ZNF219: variants seen among roughly 807,000 people sequenced by gnomAD.
ZNF219 encodes zinc finger protein 219.
A neutral mutation model predicts 54.4 loss-of-function variants in ZNF219; 17 were observed. The observed-to-expected ratio is 0.31, with a 90% confidence interval of 0.21 to 0.47. The LOEUF is 0.47. Among genes scored for constraint, ZNF219 ranks in the 20% least tolerant of loss-of-function variants. ZNF219 has a pLI of 1.00. For missense variants in ZNF219, 1,014 were observed against 1,062.3 expected, an observed-to-expected ratio of 0.95 and a Z score of 0.63; for synonymous variants, 518 against 476.4, an observed-to-expected ratio of 1.09 and a Z score of -1.14.
At chr14:21,100,109 T>C (rs1230919709), upstream of ZNF219, among the ~76,000 whole-genome samples, 3 of 152,140 alleles carry the variant, frequency 2.0e-5, no homozygotes, top group Non-Finnish European at 4.4e-5. Context: ...ACACCTGTAA[T>C]CCCAGCAGTT....
upstream of ZNF219, chr14:21,102,058 A>T: frequency 6.4e-7 from 1 of 1,551,322 alleles, no homozygotes; most frequent in Non-Finnish European, 8.7e-7. Flanking sequence ...CCTTCTCACC[A>T]TTCAGGGTCT....
intron 1 of ZNF219, chr14:21,093,938 C>G (rs1594600738): frequency 2.4e-6 from 1 of 418,444 alleles, no homozygotes; most frequent in East Asian, 5.2e-5. Flanking sequence ...GCTACCACCC[C>G]ACCCCCTGGC....
chr14:21,101,802 G>A, upstream of ZNF219: 1 of 1,304,280 alleles, frequency 7.7e-7, no homozygotes, highest in Non-Finnish European at 1.1e-6. Context: ...AAAGAGGTAG[G>A]AGTTACGAGA....
intron 1 of ZNF219, among the ~76,000 whole-genome samples, chr14:21,097,904 G>A (rs912101218): frequency 2.6e-5 from 4 of 151,662 alleles, no homozygotes; most frequent in Non-Finnish European, 5.9e-5. Flanking sequence ...GGGGGTTGGG[G>A]GGTGCACATC....
In ZNF219 at chr14:21,091,518, C is replaced by T; in HGVS notation, c.1457G>A (p.Gly486Glu). Residue 486 changes from glycine (G) to glutamate (E), a missense_variant, in exon 4 of 5, where the codon GGG becomes GAG. This residue lies in a region of ZNF219 where 272 missense variants were observed against 248.9 expected (regional missense o/e 1.09). Coordinates refer to ENST00000360947, the MANE Select transcript of ZNF219 (RefSeq NM_016423.3). Reference sequence around the variant, plus strand: ...GCCCCGGCCCCCTTCAGGCCGGGTCCCTCCAACCAACAGCCCATTCTCTTC... The same window carrying T: ...GCCCCGGCCCCCTTCAGGCCGGGTCTCTCCAACCAACAGCCCATTCTCTTC... ...TQEENGLLVG[G>E]TRPEGGRGAT... The T allele has an allele frequency of 1.2e-6, 2 of 1,606,842 alleles. No individual in the cohort carries two copies. Among genetic ancestry groups the T allele is most frequent in the East Asian group, 2.2e-5 (1 of 44,556 alleles).
At chr14:21,102,354 G>T, upstream of ZNF219, 1 of 1,541,006 alleles carries the variant, frequency 6.5e-7, no homozygotes, top group Non-Finnish European at 8.8e-7. Flanking sequence ...TGGGGATTGA[G>T]GTTGGAATGA....
intron 1 of ZNF219, among the ~76,000 whole-genome samples, chr14:21,097,747 C>T (rs893275650): frequency 6.6e-6 from 1 of 152,282 alleles, no homozygotes; most frequent in Admixed American, 6.5e-5. Flanking sequence ...ACAGCCGCCT[C>T]CGCTGCTGCC....
chr14:21,101,972 C>G (rs1889665591), upstream of ZNF219: 2 of 1,551,594 alleles, frequency 1.3e-6, no homozygotes, highest in East Asian at 4.9e-5. Flanking sequence ...GGCCTGGAGC[C>G]TCAGTAAGAC....
rs202163682 is a variant in ZNF219, at chr14:21,090,569, G to A, written c.2136C>T (p.Pro712=). ...EGEEGSGLSR[P]GEAGLGGQER Reference sequence around the variant, plus strand: ...CTTGCCCCCCCAGCCCTGCCTCTCCGGGTCTGGACAGCCCGGAGCCCTCCT... The same window carrying A: ...CTTGCCCCCCCAGCCCTGCCTCTCCAGGTCTGGACAGCCCGGAGCCCTCCT... The change falls in exon 5 of 5, where the codon CCC becomes CCT. Residue 712 remains proline (P), a synonymous_variant. Transcript: ENST00000360947. The surrounding 1 kb of genome is among the most constrained non-coding windows in gnomAD (Gnocchi z 4.4). The A allele has an allele frequency of 6.2e-7, 1 of 1,603,986 alleles. No homozygotes were observed. Among genetic ancestry groups the A allele is most frequent in the East Asian group, 2.2e-5 (1 of 44,552 alleles).
At chr14:21,100,723 C>T (rs1208722100), upstream of ZNF219, among the ~76,000 whole-genome samples, 1 of 152,200 alleles carries the variant, frequency 6.6e-6, no homozygotes, top group East Asian at 1.9e-4. Context: ...TTCAACCTTA[C>T]CTGGTCTGGG....
chr14:21,093,016 G>A lies in ZNF219; in HGVS notation c.281C>T (p.Ala94Val). The A allele has an allele frequency of 2.5e-6, 4 of 1,598,480 alleles. No homozygotes were observed. The highest frequency in any genetic ancestry group is 3.4e-6 in the Non-Finnish European group (4 of 1,175,188). ...AFQCPHCGHR[A>V]AQRALLRSHL... is the part of the protein sequence containing the mutation. ...CGAGCGCAGCAGAGCCCGCTGCGCC[G>A]CGCGGTGGCCGCAGTGAGGGCACTG... The change falls in exon 3 of 5, where the codon GCG (alanine) becomes GTG (valine). Residue 94 changes from alanine (A) to valine (V), a missense_variant. This residue lies in a region of ZNF219 where 395 missense variants were observed against 415.1 expected (regional missense o/e 0.95). Coordinates refer to ENST00000360947, the MANE Select transcript of ZNF219 (RefSeq NM_016423.3).
rs28520010 is a variant in ZNF219 at position 21,090,960 on chromosome 14, G to C, written c.1745C>G (p.Pro582Arg). ...SAPQSGAKPS[P>R]QPATWVEGAS... ...GCCCTCCACCCAGGTCGCAGGCTGC[G>C]GAGACGGCTTGGCTCCAGATTGCGG... The change falls in exon 5 of 5, where the codon CCG becomes CGG. Residue 582 changes from proline to arginine, a missense_variant. By Grantham distance (103) the Pro-to-Arg change is moderately radical. This residue lies in a region of ZNF219 where 281 missense variants were observed against 271.2 expected (regional missense o/e 1.04). Coordinates refer to ENST00000360947, the MANE Select transcript of ZNF219 (RefSeq NM_016423.3). This position sits in a 1 kb window ranked among gnomAD's most constrained non-coding sequence, Gnocchi z 4.4. The C allele has an allele frequency of 7.7e-6, 12 of 1,551,666 alleles. No individual in the cohort carries two copies. The highest frequency in any genetic ancestry group is 1.2e-5 in the South Asian group (1 of 85,090).
At chr14:21,099,134 G>C (rs775042924), upstream of ZNF219, 38 of 217,868 alleles carry the variant, frequency 1.7e-4, no homozygotes, top group Non-Finnish European at 3.3e-4. Flanking sequence ...TGGGCTCAGC[G>C]CTGTGAGGGA....
At chr14:21,091,834 C>A (rs1888907946) in intron 3 of ZNF219, 31 bp downstream of exon 3, 3 of 1,490,894 alleles carry the variant, frequency 2.0e-6, no homozygotes, top group Non-Finnish European at 2.7e-6. Context: ...GAGGACGCGG[C>A]GTACCCGGAG....
exon 1 of ZNF219, chr14:21,104,547 T>G: frequency 6.6e-6 from 1 of 152,264 alleles, no homozygotes; most frequent in East Asian, 1.9e-4. Flanking sequence ...GCTGTTCGCC[T>G]CACACTCATT....
Position 21,092,002 on chromosome 14 carries a change from ACCT to A in ZNF219, c.1292_1294del (p.Glu431del), listed in dbSNP as rs763191540. The A allele has an allele frequency of 1.9e-5, 29 of 1,556,444 alleles. No homozygotes were observed. The highest frequency in any genetic ancestry group is 9.7e-5 in the Admixed American group (5 of 51,520). On this transcript the variant is annotated inframe_deletion, in exon 3 of 5. Transcript: ENST00000360947. ...CCAGGTTTCCTCCTCGGCCTCCACC[ACCT>A]CCTCTTCTTCCTCAGGCTCCTCCGC...
At position 21,091,039 on chromosome 14, in the gene ZNF219, C is replaced by T; in HGVS notation, c.1666G>A (p.Ala556Thr). 6.4e-7 allele frequency: 1 copy of T among 1,554,706 alleles called. No homozygotes were observed. ...QRHHREQRSG[A>T]GPGPPPEPPP... is the part of the protein sequence containing the mutation. Reference sequence around the variant, plus strand: ...GGCTCCGGGGGTGGCCCGGGGCCGGCCCCGCTCCTCTGCTCCCGGTGGTGG... The same window carrying T: ...GGCTCCGGGGGTGGCCCGGGGCCGGTCCCGCTCCTCTGCTCCCGGTGGTGG... Residue 556 changes from alanine to threonine, a missense_variant, in exon 5 of 5, where the codon GCC becomes ACC. Ala to Thr is a moderately conservative substitution (Grantham distance 58, BLOSUM62 0). Coordinates refer to ENST00000360947, the MANE Select transcript of ZNF219 (RefSeq NM_016423.3).
At chr14:21,099,520 G>A (rs1433686256), upstream of ZNF219, among the ~76,000 whole-genome samples, 1 of 152,218 alleles carries the variant, frequency 6.6e-6, no homozygotes, top group Admixed American at 6.5e-5. Flanking sequence ...ATGACCCGCC[G>A]ATGTTGGCAC....
Position 21,092,264 on chromosome 14 carries a change from G to C in ZNF219, c.1033C>G (p.Gln345Glu). The part of the protein sequence containing the change: ...GPASGPARAP[Q>E]PPDLGLLAYE... ...GCCAGCAGGCCGAGGTCAGGAGGCT[G>C]GGGGGCGCGGGCAGGCCCGGAGGCA... Residue 345 changes from glutamine (Q) to glutamate (E), a missense_variant, in exon 3 of 5, where the codon CAG (glutamine) becomes GAG (glutamate). Transcript: ENST00000360947. 1 of 1,478,142 alleles carries C rather than the reference G, an allele frequency of 6.8e-7. No individual in the cohort carries two copies. 91.6% of individuals were successfully genotyped at this position (1,478,142 alleles called of 1,614,324 possible). A position where few individuals can be genotyped will look rare whatever the true frequency, so the allele number is the denominator to read the frequency against.
Sources: gnomAD v4.1 joint callset for allele counts (sites outside exome capture counted in the v4.1 genomes callset) on GRCh38, gnomAD v4.1.1 for gene constraint, gnomAD v4.1.1 regional missense constraint, Gnocchi (gnomAD v3.1) non-coding constraint, MANE v1.5 for transcripts, NCBI Gene and HGNC (gene_info 2026-07-23, HGNC 2026-07-21) for gene names.